ATP11C: variants seen among roughly 807,000 people sequenced by gnomAD.
ATP11C encodes the protein phospholipid-transporting ATPase IG.
A neutral mutation model predicts 97.4 loss-of-function variants in ATP11C; 36 were observed. The ratio of observed to expected loss-of-function variants is 0.37; its 90% CI spans 0.28 to 0.49. The LOEUF is 0.49. ATP11C is among the 20% of genes least tolerant of loss of function. ATP11C has a pLI of 0.98. For missense variants in ATP11C, 730 were observed against 824.6 expected (o/e 0.89, Z 1.40); for synonymous variants, 275 against 290.9 (o/e 0.95, Z 0.56).
At chrX:139,737,201 T>G (rs1447011864) in intron 28 of ATP11C, among the ~76,000 whole-genome samples, 1 of 111,553 alleles carries the variant, frequency 9.0e-6, no homozygotes, top group East Asian at 2.8e-4. Flanking sequence ...GCCAAAAGTT[T>G]TATTTTCCAT....
chrX:139,829,424 T>A (rs746572269), intron 1 of ATP11C, among the ~76,000 whole-genome samples: 30 of 112,004 alleles, frequency 2.7e-4, no homozygotes, highest in Non-Finnish European at 3.0e-4. Flanking sequence ...CAATATAGAG[T>A]GTTAAAAACA....
chrX:139,870,588 A>G (rs2148014530), intron 1 of ATP11C, among the ~76,000 whole-genome samples: 1 of 112,238 alleles, frequency 8.9e-6, no homozygotes, highest in African/African-American at 3.2e-5. Context: ...AAATAATCCA[A>G]ATGTCCCTCA....
chrX:139,860,329 A>G (rs2084166869), intron 1 of ATP11C, among the ~76,000 whole-genome samples: 1 of 111,300 alleles, frequency 9.0e-6, no homozygotes, highest in African/African-American at 3.3e-5. Flanking sequence ...TTTCCAATCT[A>G]ATTTACCATT....
chrX:139,802,090 T>A, intron 7 of ATP11C, 146 bp downstream of exon 7: 1 of 470,246 alleles, frequency 2.1e-6, no homozygotes, highest in Non-Finnish European at 3.8e-6. Context: ...CTGATTTGAT[T>A]CATTTTTCTG....
intron 1 of ATP11C, among the ~76,000 whole-genome samples, chrX:139,905,696 T>A (rs906074199): frequency 9.0e-6 from 1 of 111,694 alleles, no homozygotes; most frequent in Non-Finnish European, 1.9e-5. Flanking sequence ...GTTTTTTTTT[T>A]AAAGTACTTA....
At chrX:139,899,326 C>CA (rs979473383) in intron 1 of ATP11C, among the ~76,000 whole-genome samples, 14 of 109,884 alleles carry the variant, frequency 1.3e-4, no homozygotes, top group African/African-American at 4.0e-4. Flanking sequence ...ACTAAAAATA[C>CA]AAAAAAATTA....
intron 1 of ATP11C, among the ~76,000 whole-genome samples, chrX:139,854,317 T>C (rs1454269326): frequency 8.9e-6 from 1 of 112,421 alleles, no homozygotes; most frequent in Non-Finnish European, 1.9e-5. Flanking sequence ...TCAACAAAAG[T>C]AAAGTTTGCT....
intron 1 of ATP11C, among the ~76,000 whole-genome samples, chrX:139,879,449 C>A (rs1268378361): frequency 9.0e-6 from 1 of 111,042 alleles, no homozygotes; most frequent in Non-Finnish European, 1.9e-5. Flanking sequence ...TATATGGTCT[C>A]ACTTATATGT....
chrX:139,890,763 G>C (rs1013924411), intron 1 of ATP11C, among the ~76,000 whole-genome samples: 1 of 111,638 alleles, frequency 9.0e-6, no homozygotes, highest in Admixed American at 9.6e-5. Context: ...GGGCAGGAGT[G>C]GGGGGTGTAT....
Position 139,787,213 on chromosome X carries a change from C to T in ATP11C, c.1552G>A (p.Gly518Arg). The T allele has an allele frequency of 8.4e-7, 1 of 1,191,708 alleles. No homozygotes were observed. The highest frequency in any genetic ancestry group is 1.1e-6 in the Non-Finnish European group (1 of 878,235). ...YGFTFLGNRN[G>R]YMRVENQRKE... ...CTTTGGTTCTCTACTCTCATATATC[C>T]ATTTCGATTTCCTAAAAATGTGAAC... The change falls in exon 15 of 30, where the codon GGA becomes AGA. Residue 518 changes from glycine (G) to arginine (R), a missense_variant. Transcript: ENST00000682941.
At chrX:139,865,303 C>T (rs1175114773) in intron 1 of ATP11C, among the ~76,000 whole-genome samples, 4 of 111,682 alleles carry the variant, frequency 3.6e-5, no homozygotes, top group Non-Finnish European at 1.9e-5. Context: ...CTCAGAAGGT[C>T]GAGGCCATGA....
At chrX:139,856,326 A>G (rs960220960) in intron 1 of ATP11C, among the ~76,000 whole-genome samples, 1 of 112,885 alleles carries the variant, frequency 8.9e-6, no homozygotes, top group African/African-American at 3.2e-5. Flanking sequence ...GTCTCCCAAC[A>G]CTAGGTTCAC....
chrX:139,912,152 G>C, intron 1 of ATP11C, among the ~76,000 whole-genome samples: 1 of 80,910 alleles, frequency 1.2e-5, no homozygotes. Flanking sequence ...TCCAGCCTGA[G>C]AGACAGAGTA....
At chrX:139,931,045 A>G (rs1006920810) in intron 1 of ATP11C, among the ~76,000 whole-genome samples, 1 of 111,926 alleles carries the variant, frequency 8.9e-6, no homozygotes, top group Non-Finnish European at 1.9e-5. Context: ...TTTCTTCCAC[A>G]TCATTGGCAG....
chrX:139,754,347 G>A (rs1353093456), intron 23 of ATP11C, among the ~76,000 whole-genome samples: 1 of 110,833 alleles, frequency 9.0e-6, no homozygotes, highest in Non-Finnish European at 1.9e-5. Context: ...GTAATAAAAA[G>A]TATACCAACC....
chrX:139,929,998 C>T (rs1186054212), intron 1 of ATP11C, among the ~76,000 whole-genome samples: 1 of 111,752 alleles, frequency 8.9e-6, no homozygotes, highest in Non-Finnish European at 1.9e-5. Context: ...GGCTCAGACA[C>T]AACTCCTAAG....
intron 1 of ATP11C, among the ~76,000 whole-genome samples, chrX:139,829,730 TA>T (rs769916429): frequency 6.6e-4 from 74 of 111,547 alleles, no homozygotes; most frequent in Non-Finnish European, 1.2e-3. Flanking sequence ...TGGCAAATAT[TA>T]AAAAATATGT....
At chrX:139,912,200 G>A (rs1354655473) in intron 1 of ATP11C, among the ~76,000 whole-genome samples, 1 of 102,528 alleles carries the variant, frequency 9.8e-6, no homozygotes, top group Non-Finnish European at 2.0e-5. Context: ...AAAAAACTTA[G>A]CAATACAATA....
chrX:139,763,668 G>C (rs2082080355), intron 20 of ATP11C, among the ~76,000 whole-genome samples: 1 of 112,117 alleles, frequency 8.9e-6, no homozygotes, highest in Admixed American at 9.4e-5. Context: ...CAACGTAAAT[G>C]CTATGTAAAT....
Sources: gnomAD v4.1 joint callset for allele counts (sites outside exome capture counted in the v4.1 genomes callset) on GRCh38, gnomAD v4.1.1 for gene constraint, MANE v1.5 for transcripts, NCBI Gene and HGNC (gene_info 2026-07-23, HGNC 2026-07-21) for gene names.